The following RFTN2 variants were observed in gnomAD, a reference collection of about 807,000 sequenced individuals.
RFTN2 encodes raftlin family member 2.
RFTN2 carries 34 observed loss-of-function variants against 52.7 expected under a neutral mutation model. That is an observed-to-expected ratio of 0.64 (90% confidence interval 0.49 to 0.86). The LOEUF (loss-of-function observed/expected upper bound fraction) is 0.86. RFTN2 is among the 40% of genes least tolerant of loss of function. RFTN2 has a pLI of 0.00. For synonymous variants in RFTN2, 203 were observed against 217.7 expected, an observed-to-expected ratio of 0.93 and a Z score of 0.59; for missense variants, 536 against 600.1, an observed-to-expected ratio of 0.89 and a Z score of 1.12.
Position 197,662,569 on chromosome 2 carries a change from A to T in RFTN2, c.139+12751T>A, listed in dbSNP as rs567805265. On this transcript the variant is annotated intron_variant, in intron 1 of 8. Coordinates refer to ENST00000295049, the MANE Select transcript of RFTN2 (RefSeq NM_144629.3). ...CCAGCTTTGTTCTTTTTTTCCTAAA[A>T]TTTTTTGGCTATTCTGACTCTTTTG... is the stretch of plus-strand genomic sequence containing the variant. Among the ~76,000 whole-genome samples, 3 of 151,798 alleles carry T rather than the reference A, an allele frequency of 2.0e-5. No homozygotes were observed. The South Asian group carries it at 6.2e-4, about 32-fold the overall frequency.
intron 7 of RFTN2, among the ~76,000 whole-genome samples, chr2:197,608,990 T>C (rs1407621806): frequency 2.0e-5 from 3 of 152,232 alleles, no homozygotes; most frequent in Non-Finnish European, 4.4e-5. Context: ...TGCATAGCAT[T>C]GCATGGTGTT....
intron 1 of RFTN2, among the ~76,000 whole-genome samples, chr2:197,667,909 T>G (rs746967518): frequency 6.6e-5 from 10 of 152,142 alleles, no homozygotes; most frequent in Non-Finnish European, 1.3e-4. Flanking sequence ...GGGCCAATTC[T>G]TGGACTTCTA....
chr2:197,617,129 G>A (rs1361332696), intron 6 of RFTN2, among the ~76,000 whole-genome samples: 2 of 152,064 alleles, frequency 1.3e-5, no homozygotes, highest in African/African-American at 4.8e-5. Context: ...TCATTCATAA[G>A]GTTAAAAAAA....
chr2:197,644,085 A>T, intron 3 of RFTN2, 73 bp downstream of exon 3: 1 of 903,232 alleles, frequency 1.1e-6, no homozygotes, highest in South Asian at 1.3e-5. Flanking sequence ...TTTTAGGGTA[A>T]AAAAGGGAAT....
Position 197,667,682 on chromosome 2 carries a change from A to T in RFTN2, c.139+7638T>A, listed in dbSNP as rs1438236953. Among the ~76,000 whole-genome samples the T allele has an allele frequency of 2.0e-5, 3 of 152,196 alleles. No individual in the cohort carries two copies. The East Asian group carries it at 5.8e-4, about 29-fold the overall frequency. On this transcript the variant is annotated intron_variant, in intron 1 of 8. Coordinates refer to ENST00000295049, the MANE Select transcript of RFTN2 (RefSeq NM_144629.3). ...GTGCATGGAATAGTGTAGTCTCTGTATGACTTATTTGGCTGTAAACAACAT... is the reference window on the plus strand; with the variant it reads ...GTGCATGGAATAGTGTAGTCTCTGTTTGACTTATTTGGCTGTAAACAACAT...
At chr2:197,629,777 T>C (rs181640947) in intron 5 of RFTN2, among the ~76,000 whole-genome samples, 1 of 151,866 alleles carries the variant, frequency 6.6e-6, no homozygotes, top group Admixed American at 6.6e-5. Flanking sequence ...GGCTAGAATG[T>C]TGTGGTGCAA....
rs554740843 is a variant in RFTN2, at chr2:197,622,647, T to A, written c.929-4726A>T. ...CAGCGTCAGTAAAACAACCTTACAG[T>A]GGAAGACGTCATCCAGGACTTTCAT... On this transcript the variant is annotated intron_variant, in intron 5 of 8. Transcript: ENST00000295049. Among the ~76,000 whole-genome samples, 4 of 152,314 alleles carry A rather than the reference T, an allele frequency of 2.6e-5. No homozygotes were observed. In the East Asian group the frequency reaches 7.7e-4, roughly 29 times the overall value.
chr2:197,621,607 G>A (rs1406640720), intron 5 of RFTN2, among the ~76,000 whole-genome samples: 1 of 151,772 alleles, frequency 6.6e-6, no homozygotes, highest in South Asian at 2.1e-4. Context: ...TATTGTAATT[G>A]TTTTGGGCCA....
At chr2:197,592,805 T>C (rs1178003855) in intron 8 of RFTN2, among the ~76,000 whole-genome samples, 7 of 152,218 alleles carry the variant, frequency 4.6e-5, no homozygotes, top group East Asian at 1.9e-4. Flanking sequence ...ACAAAATATA[T>C]ATGAGATAGC....
chr2:197,614,938 C>T (rs900006843), intron 7 of RFTN2, among the ~76,000 whole-genome samples: 2 of 152,188 alleles, frequency 1.3e-5, no homozygotes, highest in East Asian at 3.8e-4. Flanking sequence ...AGATTAATTG[C>T]TTTGCTTACT....
At chr2:197,667,419 C>A (rs1259178720) in intron 1 of RFTN2, among the ~76,000 whole-genome samples, 2 of 152,038 alleles carry the variant, frequency 1.3e-5, no homozygotes, top group East Asian at 1.9e-4. Context: ...AATTTGAATT[C>A]TCTTTCTGGA....
chr2:197,641,789 T>C (rs564623845), intron 3 of RFTN2, among the ~76,000 whole-genome samples: 16 of 152,350 alleles, frequency 1.1e-4, no homozygotes, highest in African/African-American at 3.6e-4. Flanking sequence ...AATTCATCTA[T>C]GGCTCTTGTT....
At chr2:197,612,145 T>C (rs991926432) in intron 7 of RFTN2, among the ~76,000 whole-genome samples, 2 of 152,178 alleles carry the variant, frequency 1.3e-5, no homozygotes, top group African/African-American at 4.8e-5. Flanking sequence ...ATGAGGTTTT[T>C]TAATGTTCTT....
intron 7 of RFTN2, among the ~76,000 whole-genome samples, chr2:197,614,074 T>A (rs2106208565): frequency 6.6e-6 from 1 of 152,304 alleles, no homozygotes; most frequent in East Asian, 1.9e-4. Flanking sequence ...CATCTAGCCC[T>A]TGATTAGTTA....
chr2:197,631,364 TCA>T, intron 4 of RFTN2, 144 bp from the exon 5 acceptor site: 1 of 690,578 alleles, frequency 1.4e-6, no homozygotes, highest in Non-Finnish European at 2.5e-6. Flanking sequence ...TATATTTGTT[TCA>T]GACTATTTTT....
intron 1 of RFTN2, among the ~76,000 whole-genome samples, chr2:197,650,240 GAAAAAATA>G (rs1266672959): frequency 5.9e-5 from 9 of 151,924 alleles, no homozygotes; most frequent in Admixed American, 1.3e-4. Context: ...TTTTCAGCTT[GAAAAAATA>G]AAACCCTATA....
chr2:197,579,306 C>G (rs1320309822), intron 8 of RFTN2, among the ~76,000 whole-genome samples: 1 of 152,206 alleles, frequency 6.6e-6, no homozygotes, highest in Non-Finnish European at 1.5e-5. Flanking sequence ...CTCCATGTCT[C>G]TACCCTCTCT....
intron 8 of RFTN2, among the ~76,000 whole-genome samples, chr2:197,585,994 C>T (rs994787324): frequency 6.6e-6 from 1 of 152,212 alleles, no homozygotes; most frequent in Admixed American, 6.5e-5. Context: ...CTTTCACCTT[C>T]GTGATGTTCC....
chr2:197,629,706 ATTTTAT>A (rs764112093), intron 5 of RFTN2, among the ~76,000 whole-genome samples: 316 of 149,176 alleles, frequency 2.1e-3, no homozygotes, highest in Non-Finnish European at 3.2e-3. Context: ...ACACATATTT[ATTTTAT>A]TTTATTTTAT....
Sources: allele counts gnomAD v4.1 joint callset (sites outside exome capture counted in the v4.1 genomes callset), GRCh38; gene constraint gnomAD v4.1.1; transcripts MANE v1.5; gene names NCBI Gene and HGNC (gene_info 2026-07-23, HGNC 2026-07-21).